TACO1: variants seen among roughly 807,000 people sequenced by gnomAD.
The protein encoded by TACO1 is translational activator of cytochrome c oxidase I, also known as translational activator of cytochrome c oxidase 1.
A neutral mutation model predicts 24.0 loss-of-function variants in TACO1; 13 were observed. The observed-to-expected ratio is 0.54, with a 90% CI of 0.35 to 0.86. The LOEUF is 0.86. TACO1 is among the 40% of genes least tolerant of loss of function. The pLI, the probability that TACO1 is intolerant of heterozygous loss-of-function variation, is 0.01. For missense variants in TACO1, 352 were observed against 380.1 expected, an observed-to-expected ratio of 0.93 and a Z score of 0.61; for synonymous variants, 149 against 153.5, an observed-to-expected ratio of 0.97 and a Z score of 0.22.
Position 63,608,228 on chromosome 17 carries a change from TC to T in TACO1, c.*227del. On this transcript the variant is annotated 3_prime_UTR_variant, in exon 5 of 5. Transcript: ENST00000258975. ...CATCTGGATGAGTGTCCCGACACCC[TC>T]TCGGATGCAGGGCAGGACCACCCAG... The T allele has an allele frequency of 1.7e-6, 1 of 599,482 alleles. No individual in the cohort carries two copies. 37.1% of individuals were successfully genotyped at this position (599,482 alleles called of 1,614,324 possible). A position where few individuals can be genotyped will look rare whatever the true frequency, so the allele number is the denominator to read the frequency against.
At chr17:63,602,388 C>G (rs112966072) in intron 1 of TACO1, among the ~76,000 whole-genome samples, 1 of 152,040 alleles carries the variant, frequency 6.6e-6, no homozygotes, top group Non-Finnish European at 1.5e-5. Flanking sequence ...ATAATACCCA[C>G]CTTGAGGTAG....
At chr17:63,601,672 C>G (rs1465510721) in intron 1 of TACO1, among the ~76,000 whole-genome samples, 1 of 152,158 alleles carries the variant, frequency 6.6e-6, no homozygotes, top group Non-Finnish European at 1.5e-5. Flanking sequence ...GAAACAAGCC[C>G]TAAGAGTCAG....
In TACO1 at chr17:63,604,684, C is replaced by T. The variant is rs147925871; in HGVS notation, c.387+44C>T. On this transcript the variant is annotated intron_variant, in intron 2 of 4. Coordinates refer to ENST00000258975, the MANE Select transcript of TACO1 (RefSeq NM_016360.4). ...GCTTTTTATTGATCACAGCCTCTAC[C>T]GGGCTCATGTCTGGATGGCCAACAA... The T allele has an allele frequency of 1.0e-3, 1,608 of 1,551,550 alleles. 5 individuals carry two copies. The highest frequency in any genetic ancestry group is 4.6e-3 in the African/African-American group (337 of 73,648).
At position 63,604,591 on chromosome 17, in the gene TACO1, G is replaced by T. The variant is rs763544698; in HGVS notation, c.338G>T (p.Arg113Leu). The T allele has an allele frequency of 6.2e-7, 1 of 1,614,002 alleles. No individual in the cohort carries two copies. The highest frequency in any genetic ancestry group is 2.2e-5 in the East Asian group (1 of 44,882). ...SNLANILEVC[R>L]SKHMPKSTIE... ...CTGGCCAATATCTTAGAGGTGTGTC[G>T]CAGCAAACATATGCCCAAGTCAACG... The change falls in exon 2 of 5, where the codon CGC becomes CTC. Residue 113 changes from arginine (R) to leucine (L), a missense_variant. Coordinates refer to ENST00000258975, the MANE Select transcript of TACO1 (RefSeq NM_016360.4).
At chr17:63,602,280 A>AGG (rs1360668401) in intron 1 of TACO1, among the ~76,000 whole-genome samples, 15 of 149,824 alleles carry the variant, frequency 1.0e-4, no homozygotes, top group African/African-American at 3.2e-4. Context: ...AAAAAAAAAA[A>AGG]AGAGAGAGAA....
chr17:63,606,675 A>G, intron 3 of TACO1: 1 of 527,286 alleles, frequency 1.9e-6, no homozygotes. Context: ...CCTCCTGAGT[A>G]GCTGGGATTA....
Position 63,600,931 on chromosome 17 carries a change from G to A in TACO1, c.-153G>A. The A allele has an allele frequency of 3.7e-6, 3 of 812,602 alleles. No individual in the cohort carries two copies. Among genetic ancestry groups the A allele is most frequent in the Admixed American group, 2.4e-5 (1 of 42,536 alleles). The allele number at this position is 812,602 out of a possible 1,614,324, so 50.3% of individuals were successfully genotyped here. On this transcript the variant is annotated 5_prime_UTR_variant, in exon 1 of 5. Coordinates refer to ENST00000258975, the MANE Select transcript of TACO1 (RefSeq NM_016360.4). ...CCGCGGGGACAGTGTAGGGTCATTA[G>A]CTGTTGAGCCGCCCCGGGCGGGCCC... is the stretch of plus-strand genomic sequence containing the variant.
rs2033878114 is a variant in TACO1, at chr17:63,608,128, C to T, written c.*126C>T. On this transcript the variant is annotated 3_prime_UTR_variant, in exon 5 of 5. Transcript: ENST00000258975. ...CTCAGCAGGCCAGGAGGCCCAAGGACAGGACTTGCGACCTTGAAGCCAAAG... is the reference window on the plus strand; with the variant it reads ...CTCAGCAGGCCAGGAGGCCCAAGGATAGGACTTGCGACCTTGAAGCCAAAG... The T allele has an allele frequency of 9.4e-7, 1 of 1,067,856 alleles. No individual in the cohort carries two copies. Among genetic ancestry groups the T allele is most frequent in the South Asian group, 1.3e-5 (1 of 74,644 alleles). 66.1% of individuals were successfully genotyped at this position (1,067,856 alleles called of 1,614,324 possible).
chr17:63,605,643 C>T (rs1485055891), intron 2 of TACO1, among the ~76,000 whole-genome samples: 2 of 152,148 alleles, frequency 1.3e-5, no homozygotes, highest in Non-Finnish European at 1.5e-5. Flanking sequence ...TTCATGTAGG[C>T]CATGGTGCAG....
intron 2 of TACO1, among the ~76,000 whole-genome samples, chr17:63,605,030 A>T (rs1038618784): frequency 2.6e-5 from 4 of 151,658 alleles, no homozygotes; most frequent in African/African-American, 9.7e-5. Context: ...AAAAAAAAAA[A>T]TTATCAGAGA....
intron 3 of TACO1, chr17:63,606,750 T>C (rs555099048): frequency 2.2e-4 from 87 of 400,086 alleles, no homozygotes; most frequent in South Asian, 1.8e-3. Context: ...GGTTTCATCA[T>C]GTTGGCCAGA....
intron 1 of TACO1, 28 bp from the exon 2 acceptor site, chr17:63,604,506 C>CT (rs763690520): frequency 1.6e-5 from 26 of 1,586,272 alleles, no homozygotes; most frequent in East Asian, 1.1e-4. Flanking sequence ...TTTGCTCACT[C>CT]TTTTTTTTCT....
At chr17:63,602,534 T>G (rs2033830176) in intron 1 of TACO1, among the ~76,000 whole-genome samples, 1 of 151,946 alleles carries the variant, frequency 6.6e-6, no homozygotes, top group African/African-American at 2.4e-5. Context: ...ATTTATTTAT[T>G]TATTTATTTT....
At position 63,601,095 on chromosome 17, in the gene TACO1, G is replaced by T; in HGVS notation, c.12G>T (p.Trp4Cys). 1 of 1,541,436 alleles carries T rather than the reference G, an allele frequency of 6.5e-7. No homozygotes were observed. The change falls in exon 1 of 5, where the codon TGG (tryptophan) becomes TGT (cysteine). Residue 4 changes from tryptophan to cysteine, a missense_variant. Trp to Cys is a radical substitution (Grantham distance 215). Transcript: ENST00000258975. ...CAGGGTCGGGACCGATGTCGGCTTG[G>T]GCTGCTGCCAGCCTAAGCAGGGCCG... is the stretch of plus-strand genomic sequence containing the variant. MSAWAAASLSRAAA... is the reference protein window; with the variant it reads MSACAAASLSRAAA...
At chr17:63,603,170 C>A (rs9910457) in intron 1 of TACO1, among the ~76,000 whole-genome samples, 22,176 of 151,630 alleles carry the variant, frequency 0.15, 5,235 homozygotes, top group African/African-American at 0.5. Flanking sequence ...CAGAAGGCGG[C>A]GCTTGCAGTG....
chr17:63,607,770 C>A, intron 4 of TACO1, 32 bp from the exon 5 acceptor site: 1 of 1,601,342 alleles, frequency 6.2e-7, no homozygotes, highest in South Asian at 1.1e-5. Flanking sequence ...TACCTCCTGG[C>A]TCCTCACCTC....
chr17:63,601,030 A>T lies in TACO1; in HGVS notation c.-54A>T. 6.5e-7 allele frequency: 1 copy of T among 1,531,250 alleles called. No individual in the cohort carries two copies. Among genetic ancestry groups the T allele is most frequent in the Non-Finnish European group, 8.7e-7 (1 of 1,143,012 alleles). The allele number at this position is 1,531,250 out of a possible 1,614,324, so 94.9% of individuals were successfully genotyped here. On this transcript the variant is annotated 5_prime_UTR_variant, in exon 1 of 5. Transcript: ENST00000258975. ...ACTGCTTGTTCCGGCAGTGGAAGAG[A>T]CGCGCCGGCGTTGGCCGCTGCTGCT...
In TACO1 at chr17:63,601,071, A is replaced by C. The variant is rs976497240; in HGVS notation, c.-13A>C. 6.5e-7 allele frequency: 1 copy of C among 1,539,528 alleles called. No homozygotes were observed. On this transcript the variant is annotated 5_prime_UTR_variant, in exon 1 of 5. Transcript: ENST00000258975. ...CGCTGCTGCTAGCAGCTTGAACCCC[A>C]GGGTCGGGACCGATGTCGGCTTGGG...
rs148402473 is a variant in TACO1 at position 63,603,983 on chromosome 17, C to T, written c.281-551C>T. 4.5e-3 allele frequency among the ~76,000 whole-genome samples: 683 copies of T among 151,730 alleles called. 3 individuals carry two copies. Among genetic ancestry groups the T allele is most frequent in the African/African-American group, 0.015 (639 of 41,360 alleles). On this transcript the variant is annotated intron_variant, in intron 1 of 4. Coordinates refer to ENST00000258975, the MANE Select transcript of TACO1 (RefSeq NM_016360.4). The stretch of plus-strand genomic sequence containing the variant: ...ACAGTGAGCTAAAATCATGCCACTG[C>T]ACTCCAGCCTGGGTGACAAAGTGAG...
Sources: allele counts gnomAD v4.1 joint callset (sites outside exome capture counted in the v4.1 genomes callset), GRCh38; gene constraint gnomAD v4.1.1; transcripts MANE v1.5; gene names NCBI Gene and HGNC (gene_info 2026-07-23, HGNC 2026-07-21).